TTLL10: variants seen among roughly 807,000 people sequenced by gnomAD.
TTLL10 encodes tubulin tyrosine ligase like 10, also known as inactive polyglycylase TTLL10.
TTLL10 carries 61 observed loss-of-function variants against 69.0 expected under a neutral mutation model. The ratio of observed to expected loss-of-function variants is 0.88; its 90% CI spans 0.72 to 1.09. The LOEUF (loss-of-function observed/expected upper bound fraction) is 1.09. Ranked by LOEUF, TTLL10 falls within the 50% of genes least tolerant of loss-of-function variation. The pLI is 0.00. For missense variants in TTLL10, 962 were observed against 945.9 expected, an observed-to-expected ratio of 1.02 and a Z score of -0.22; for synonymous variants, 408 against 393.3, an observed-to-expected ratio of 1.04 and a Z score of -0.44.
Position 1,197,636 on chromosome 1 carries a change from C to T in TTLL10, c.1811C>T (p.Pro604Leu), listed in dbSNP as rs1353922709. The change falls in exon 16 of 16, where the codon CCA (proline) becomes CTA (leucine). Residue 604 changes from proline to leucine, a missense_variant. Pro to Leu is a moderately conservative substitution (Grantham distance 98). Transcript: ENST00000379289. ...KSSGPPMPHAPDQPGARRPAP... is the reference protein window; with the variant it reads ...KSSGPPMPHALDQPGARRPAP... Reference sequence around the variant, plus strand: ...TCCGGGCCACCCATGCCGCATGCCCCAGACCAGCCGGGCGCCCGCAGGCCT... The same window carrying T: ...TCCGGGCCACCCATGCCGCATGCCCTAGACCAGCCGGGCGCCCGCAGGCCT... 7.3e-6 allele frequency: 11 copies of T among 1,506,266 alleles called. No individual in the cohort carries two copies. The South Asian group carries it at 1.2e-4, about 17-fold the overall frequency. 93.3% of individuals were successfully genotyped at this position (1,506,266 alleles called of 1,614,324 possible).
intron 13 of TTLL10, among the ~76,000 whole-genome samples, chr1:1,194,762 T>G (rs558470454): frequency 1.3e-5 from 2 of 152,372 alleles, no homozygotes; most frequent in East Asian, 1.9e-4. Context: ...GGAAGTTTGC[T>G]GATGAGGTGG....
rs1304430361 is a variant in TTLL10, at chr1:1,179,737, G to A, written c.199G>A (p.Gly67Ser). The A allele has an allele frequency of 6.5e-7, 1 of 1,547,858 alleles. No homozygotes were observed. Among genetic ancestry groups the A allele is most frequent in the African/African-American group, 1.4e-5 (1 of 72,994 alleles). Residue 67 changes from glycine (G) to serine (S), a missense_variant and splice_region_variant, in exon 5 of 16, where the codon GGC becomes AGC. By Grantham distance (56) the Gly-to-Ser change is moderately conservative. Coordinates refer to ENST00000379289, the MANE Select transcript of TTLL10 (RefSeq NM_001130045.2). ...CCCTGCACCAGGCCACTGCCCTGTTGGTGAGGAGGGTCGGAGGGGCGACCT... is the reference window on the plus strand; with the variant it reads ...CCCTGCACCAGGCCACTGCCCTGTTAGTGAGGAGGGTCGGAGGGGCGACCT... ...PCPAPGHCPV[G>S]PAHERPMGSS...
In TTLL10 at chr1:1,180,022, C is replaced by A. The variant is rs768804708; in HGVS notation, c.200-12C>A. ...CCGTAGCCACCCCGGTGGGACCCCA[C>A]CCCGTTCACAGGCCCGGCCCACGAG... On this transcript the variant is annotated splice_polypyrimidine_tract_variant and intron_variant, in intron 5 of 15. Transcript: ENST00000379289. The A allele has an allele frequency of 6.6e-7, 1 of 1,517,894 alleles. No individual in the cohort carries two copies. The highest frequency in any genetic ancestry group is 8.8e-7 in the Non-Finnish European group (1 of 1,135,528). 94.0% of individuals were successfully genotyped at this position (1,517,894 alleles called of 1,614,324 possible).
intron 13 of TTLL10, 129 bp from the exon 14 acceptor site, chr1:1,196,471 G>C: frequency 2.9e-6 from 2 of 682,140 alleles, no homozygotes; most frequent in Non-Finnish European, 5.3e-6. Flanking sequence ...GAACGTGTGG[G>C]CAGGTGTGGC....
At chr1:1,188,763 T>G (rs761870169) in intron 13 of TTLL10, among the ~76,000 whole-genome samples, 1 of 152,180 alleles carries the variant, frequency 6.6e-6, no homozygotes, top group African/African-American at 2.4e-5. Context: ...AGTGGCATCT[T>G]AACAATATTT....
Position 1,181,001 on chromosome 1 carries a change from C to G in TTLL10, c.755+141C>G. On this transcript the variant is annotated intron_variant, in intron 8 of 15. Transcript: ENST00000379289. This position sits in a 1 kb window ranked among gnomAD's most constrained non-coding sequence, Gnocchi z 4.6. ...GCCCCTGGCCACCCAGGCTCCCAGG[C>G]TGGCTCCAGCCCCTGCCCCTGCCCT... is the stretch of plus-strand genomic sequence containing the variant. 1 of 747,216 alleles carries G rather than the reference C, an allele frequency of 1.3e-6. No individual in the cohort carries two copies. The highest frequency in any genetic ancestry group is 2.0e-6 in the Non-Finnish European group (1 of 510,474). 46.3% of individuals were successfully genotyped at this position (747,216 alleles called of 1,614,324 possible). A position where few individuals can be genotyped will look rare whatever the true frequency, so the allele number is the denominator to read the frequency against.
At chr1:1,180,965 C>T (rs1570411371) in intron 8 of TTLL10, 105 bp downstream of exon 8, 2 of 1,115,762 alleles carry the variant, frequency 1.8e-6, no homozygotes, top group Non-Finnish European at 2.4e-6. Context: ...CCCGCCCCTG[C>T]CCTTGCCCCT....
In TTLL10 at chr1:1,180,217, C is replaced by T. The variant is rs548670674; in HGVS notation, c.383C>T (p.Thr128Ile). ...CACCGGCCTGCAGACTCGGATGACA[C>T]TAACGCCGCCGGGCCCTCAGCTGCC... ...NSHRPADSDD[T>I]NAAGPSAALL... Residue 128 changes from threonine (T) to isoleucine (I), a missense_variant, in exon 6 of 16, where the codon ACT becomes ATT. Physicochemically the swap from Thr to Ile is moderately conservative, Grantham distance 89. Coordinates refer to ENST00000379289, the MANE Select transcript of TTLL10 (RefSeq NM_001130045.2). 3.7e-6 allele frequency: 6 copies of T among 1,610,052 alleles called. No homozygotes were observed. The Admixed American group carries it at 8.4e-5, about 22-fold the overall frequency.
intron 5 of TTLL10, 114 bp downstream of exon 5, chr1:1,179,851 G>C (rs1431416259): frequency 3.4e-6 from 5 of 1,449,304 alleles, no homozygotes; most frequent in East Asian, 5.0e-5. Context: ...CCCCTCCCCA[G>C]ATGTAAGCAG....
chr1:1,188,273 T>C (rs1418504119), intron 13 of TTLL10, among the ~76,000 whole-genome samples: 1 of 150,530 alleles, frequency 6.6e-6, no homozygotes, highest in African/African-American at 2.5e-5. Flanking sequence ...GTCCTGAAAT[T>C]GGGATATGTG....
At chr1:1,182,810 C>T (rs553028676) in intron 10 of TTLL10, 66 bp from the exon 11 acceptor site, 67 of 1,489,510 alleles carry the variant, frequency 4.5e-5, no homozygotes, top group East Asian at 4.2e-4. Flanking sequence ...GGGTCCTGGT[C>T]GGGCCCTAGG....
intron 3 of TTLL10, chr1:1,176,361 A>G: frequency 2.2e-6 from 1 of 452,386 alleles, no homozygotes; most frequent in South Asian, 1.6e-5. Context: ...GACGCTGTGC[A>G]GCTGGAGAGA....
Position 1,197,736 on chromosome 1 carries a change from C to G in TTLL10, c.1911C>G (p.Pro637=). The G allele has an allele frequency of 6.5e-7, 1 of 1,534,078 alleles. No individual in the cohort carries two copies. Among genetic ancestry groups the G allele is most frequent in the Non-Finnish European group, 8.7e-7 (1 of 1,142,872 alleles). The change falls in exon 16 of 16, where the codon CCC becomes CCG. Residue 637 remains proline (P), a synonymous_variant. Transcript: ENST00000379289. Reference sequence around the variant, plus strand: ...TGGACAGCGCCCACGATGGGGAGCCCCAGGCCCCGGGCACGGAGCAGTCGG... The same window carrying G: ...TGGACAGCGCCCACGATGGGGAGCCGCAGGCCCCGGGCACGGAGCAGTCGG... ...PDLDSAHDGE[P]QAPGTEQSGT...
chr1:1,178,919 C>T (rs368881640), intron 3 of TTLL10, among the ~76,000 whole-genome samples: 18 of 152,208 alleles, frequency 1.2e-4, no homozygotes, highest in East Asian at 7.7e-4. Flanking sequence ...GCACCCAGGC[C>T]GAGCTCAGCC....
At position 1,180,016 on chromosome 1, in the gene TTLL10, A is replaced by T. The variant is rs148494067; in HGVS notation, c.200-18A>T. ...CAGCTCCCGTAGCCACCCCGGTGGG[A>T]CCCCACCCCGTTCACAGGCCCGGCC... On this transcript the variant is annotated intron_variant, in intron 5 of 15. Coordinates refer to ENST00000379289, the MANE Select transcript of TTLL10 (RefSeq NM_001130045.2). 1.6e-4 allele frequency: 249 copies of T among 1,511,420 alleles called. 1 individual carries two copies. The South Asian group carries it at 2.2e-3, about 13-fold the overall frequency. 93.6% of individuals were successfully genotyped at this position (1,511,420 alleles called of 1,614,324 possible).
At chr1:1,178,993 C>T (rs2100854861) in intron 3 of TTLL10, among the ~76,000 whole-genome samples, 196 bp from the exon 4 acceptor site, 1 of 152,340 alleles carries the variant, frequency 6.6e-6, no homozygotes, top group African/African-American at 2.4e-5. Context: ...CAGAGACAGC[C>T]TCGCCCCCAC....
At chr1:1,190,285 C>T (rs1345002065) in intron 13 of TTLL10, among the ~76,000 whole-genome samples, 2 of 149,632 alleles carry the variant, frequency 1.3e-5, no homozygotes, top group Non-Finnish European at 3.0e-5. Flanking sequence ...TCTCTAAGTC[C>T]TTATCAATTT....
chr1:1,197,725 G>A lies in TTLL10; in HGVS notation c.1900G>A (p.Asp634Asn), dbSNP rs764678592. ...CGGCCCCGACCTGGACAGCGCCCAC[G>A]ATGGGGAGCCCCAGGCCCCGGGCAC... ...PPGPDLDSAH[D>N]GEPQAPGTEQ... The change falls in exon 16 of 16, where the codon GAT becomes AAT. Residue 634 changes from aspartate to asparagine, a missense_variant. By Grantham distance (23) the Asp-to-Asn change is conservative. Transcript: ENST00000379289. 3.3e-5 allele frequency: 50 copies of A among 1,531,700 alleles called. 3 individuals are homozygous for A. The Middle Eastern group carries it at 1.3e-3, about 39-fold the overall frequency. The allele number at this position is 1,531,700 out of a possible 1,614,324, so 94.9% of individuals were successfully genotyped here.
At chr1:1,186,092 CTT>C (rs200935326) in intron 13 of TTLL10, among the ~76,000 whole-genome samples, 7 of 143,634 alleles carry the variant, frequency 4.9e-5, no homozygotes, top group Admixed American at 1.4e-4. Context: ...CTTTTCTTTT[CTT>C]TTTTTTTTTT....
Sources: allele counts gnomAD v4.1 joint callset (sites outside exome capture counted in the v4.1 genomes callset), GRCh38; gene constraint gnomAD v4.1.1; non-coding constraint Gnocchi (gnomAD v3.1); transcripts MANE v1.5; gene names NCBI Gene and HGNC (gene_info 2026-07-23, HGNC 2026-07-21).